DRD2: variants seen among roughly 807,000 people sequenced by gnomAD.
DRD2 encodes D(2) dopamine receptor.
A neutral mutation model predicts 38.0 loss-of-function variants in DRD2; 8 were observed. That is an observed-to-expected ratio of 0.21 (90% CI 0.12 to 0.38). DRD2 has a LOEUF of 0.38. DRD2 is among the 10% of genes least tolerant of loss of function. The probability of loss-of-function intolerance (pLI) is 1.00; values close to 1 mark genes in which losing one functional copy is unlikely to be tolerated. For missense variants in DRD2, 403 were observed against 607.7 expected (o/e 0.66, Z 3.54); for synonymous variants, 230 against 238.6 (o/e 0.96, Z 0.33).
intron 2 of DRD2, 49 bp downstream of exon 2, chr11:113,424,318 G>C (rs756819930): frequency 1.3e-6 from 2 of 1,593,488 alleles, no homozygotes; most frequent in Non-Finnish European, 1.7e-6. Context: ...AGTGTCCAGT[G>C]CAGGGCCCTG....
At chr11:113,457,047 T>C (rs536050997) in intron 1 of DRD2, among the ~76,000 whole-genome samples, 1 of 152,160 alleles carries the variant, frequency 6.6e-6, no homozygotes, top group Non-Finnish European at 1.5e-5. Context: ...GCCACCACCA[T>C]AGGAGCCACC....
chr11:113,420,957 C>T (rs757094052), intron 2 of DRD2, among the ~76,000 whole-genome samples: 3 of 152,180 alleles, frequency 2.0e-5, no homozygotes, highest in Non-Finnish European at 4.4e-5. Context: ...GCAGTACAGG[C>T]CCTGAGCTGG....
chr11:113,413,618 A>G (rs1468303241), intron 6 of DRD2, among the ~76,000 whole-genome samples: 2 of 152,214 alleles, frequency 1.3e-5, no homozygotes, highest in African/African-American at 4.8e-5. Context: ...CACCTGCCTC[A>G]TAAACAGCTT....
At chr11:113,425,494 T>TTAA (rs1430497300) in intron 1 of DRD2, among the ~76,000 whole-genome samples, 3 of 152,158 alleles carry the variant, frequency 2.0e-5, no homozygotes, top group Admixed American at 2.0e-4. Flanking sequence ...ATAGAGGGCC[T>TTAA]TAAAAGTCAT....
At chr11:113,438,776 C>T (rs2119844718) in intron 1 of DRD2, among the ~76,000 whole-genome samples, 1 of 152,330 alleles carries the variant, frequency 6.6e-6, no homozygotes, top group East Asian at 1.9e-4. Context: ...AGCTATGAGA[C>T]ATCTCTGCTA....
chr11:113,424,644 G>A lies in DRD2; in HGVS notation c.8C>T (p.Pro3Leu). 6.2e-7 allele frequency: 1 copy of A among 1,614,108 alleles called. No individual in the cohort carries two copies. The highest frequency in any genetic ancestry group is 8.5e-7 in the Non-Finnish European group (1 of 1,180,034). ...ATCATCATACCAGGACAGATTCAGT[G>A]GATCCATCAGGGCGGTGGAGCCACT... MD[P>L]LNLSWYDDDL... Residue 3 changes from proline (P) to leucine (L), a missense_variant, in exon 2 of 8, where the codon CCA (proline) becomes CTA (leucine). Physicochemically the swap from Pro to Leu is moderately conservative, Grantham distance 98. This residue lies in a region of DRD2 where 162 missense variants were observed against 254.5 expected (regional missense o/e 0.64). Transcript: ENST00000362072.
chr11:113,436,529 AT>A (rs1324047232), intron 1 of DRD2, among the ~76,000 whole-genome samples: 1 of 152,096 alleles, frequency 6.6e-6, no homozygotes, highest in Non-Finnish European at 1.5e-5. Flanking sequence ...ATTCTGGTGA[AT>A]TTTTTTAGAG....
intron 1 of DRD2, among the ~76,000 whole-genome samples, chr11:113,433,541 C>T (rs936759223): frequency 1.3e-5 from 2 of 152,156 alleles, no homozygotes; most frequent in African/African-American, 4.8e-5. Flanking sequence ...TGCCCCTTCT[C>T]CCCCGGCATG....
intron 1 of DRD2, among the ~76,000 whole-genome samples, chr11:113,432,002 T>C (rs1406605175): frequency 1.3e-5 from 2 of 152,062 alleles, no homozygotes; most frequent in Non-Finnish European, 2.9e-5. Flanking sequence ...GGGGTATAGA[T>C]GAGGTATGGA....
chr11:113,428,000 G>T (rs764392369), intron 1 of DRD2, among the ~76,000 whole-genome samples: 2 of 152,124 alleles, frequency 1.3e-5, no homozygotes, highest in Non-Finnish European at 2.9e-5. Flanking sequence ...GCAAGAAGGC[G>T]GCCATCTGCT....
chr11:113,460,469 T>A (rs1951307269), intron 1 of DRD2, among the ~76,000 whole-genome samples: 1 of 152,228 alleles, frequency 6.6e-6, no homozygotes, highest in Admixed American at 6.5e-5. Context: ...AAAAGCTTCC[T>A]GGGGTCAGAG....
intron 5 of DRD2, 152 bp downstream of exon 5, chr11:113,415,269 C>CA: frequency 1.0e-6 from 1 of 982,066 alleles, no homozygotes; most frequent in East Asian, 2.6e-5. Context: ...TCCATGCCTT[C>CA]AAAATCTGCC....
chr11:113,424,340 G>A (rs1950916316), intron 2 of DRD2, 27 bp downstream of exon 2: 1 of 1,611,170 alleles, frequency 6.2e-7, no homozygotes, highest in Admixed American at 1.7e-5. Flanking sequence ...TGGAGAAAGT[G>A]CTGGAGCAAG....
At chr11:113,424,249 C>T in intron 2 of DRD2, 118 bp downstream of exon 2, 1 of 1,181,858 alleles carries the variant, frequency 8.5e-7, no homozygotes, top group Non-Finnish European at 1.2e-6. Context: ...GAAGGAAAAA[C>T]CACCTGGGGA....
intron 1 of DRD2, among the ~76,000 whole-genome samples, chr11:113,448,286 T>TC (rs1951172576): frequency 6.6e-6 from 1 of 152,110 alleles, no homozygotes; most frequent in Non-Finnish European, 1.5e-5. Flanking sequence ...GGGTCTGACT[T>TC]CAACCTGGGG....
intron 1 of DRD2, among the ~76,000 whole-genome samples, chr11:113,463,570 C>A (rs950102982): frequency 3.3e-5 from 5 of 152,186 alleles, no homozygotes; most frequent in Admixed American, 6.5e-5. Context: ...TTCCAGCCTG[C>A]CTTAATAATG....
At chr11:113,448,217 T>C (rs1397506264) in intron 1 of DRD2, among the ~76,000 whole-genome samples, 3 of 152,178 alleles carry the variant, frequency 2.0e-5, no homozygotes, top group Non-Finnish European at 4.4e-5. Flanking sequence ...TTTCCTGTCC[T>C]GATGAGATCT....
chr11:113,442,815 G>A (rs948001304), intron 1 of DRD2, among the ~76,000 whole-genome samples: 1 of 152,190 alleles, frequency 6.6e-6, no homozygotes. Context: ...GGCAAATCGA[G>A]GTCTGGACTC....
chr11:113,435,932 C>A (rs1951031753), intron 1 of DRD2, among the ~76,000 whole-genome samples: 1 of 152,200 alleles, frequency 6.6e-6, no homozygotes, highest in South Asian at 2.1e-4. Flanking sequence ...GCCTATTTGG[C>A]AGAAAATTGT....
Sources: allele counts gnomAD v4.1 joint callset (sites outside exome capture counted in the v4.1 genomes callset), GRCh38; gene constraint gnomAD v4.1.1; regional missense constraint gnomAD v4.1.1; transcripts MANE v1.5; gene names NCBI Gene and HGNC (gene_info 2026-07-23, HGNC 2026-07-21).